Variants in CWH43 observed in about 807,000 individuals in gnomAD.
The protein encoded by CWH43 is cell wall biogenesis 43 C-terminal homolog, also known as PGAP2-interacting protein.
A neutral mutation model predicts 85.7 loss-of-function variants in CWH43; 91 were observed. The ratio of observed to expected loss-of-function variants is 1.06; its 90% confidence interval spans 0.90 to 1.26. The LOEUF (loss-of-function observed/expected upper bound fraction) is 1.26. Among genes scored for constraint, CWH43 ranks in the 50% most tolerant of loss-of-function variants. The pLI is 0.00. For missense variants in CWH43, 869 were observed against 839.2 expected (o/e 1.04, Z -0.44); for synonymous variants, 323 against 293.6 (o/e 1.10, Z -1.02).
At chr4:49,059,413 A>C (rs938616149) in intron 15 of CWH43, among the ~76,000 whole-genome samples, 2 of 152,116 alleles carry the variant, frequency 1.3e-5, no homozygotes, top group Non-Finnish European at 2.9e-5. Context: ...ACTTAGCTTC[A>C]AGATGATTAT....
chr4:48,986,856 A>C, intron 1 of CWH43: 1 of 995,408 alleles, frequency 1.0e-6, no homozygotes, highest in Non-Finnish European at 1.2e-6. Context: ...TGAACTTTAA[A>C]ATTCAGAAGG....
intron 9 of CWH43, among the ~76,000 whole-genome samples, chr4:49,025,223 C>T (rs1246442730): frequency 2.0e-5 from 3 of 151,498 alleles, no homozygotes; most frequent in African/African-American, 7.3e-5. Context: ...TTTATCCTAC[C>T]TATTTCACTG....
chr4:49,000,056 T>C (rs1418199039), intron 6 of CWH43, among the ~76,000 whole-genome samples: 2 of 148,458 alleles, frequency 1.3e-5, no homozygotes, highest in Admixed American at 1.4e-4. Context: ...TGACTCTAAG[T>C]AAAAAAAAAA....
At chr4:49,040,920 A>G (rs1284015049) in intron 13 of CWH43, among the ~76,000 whole-genome samples, 1 of 152,184 alleles carries the variant, frequency 6.6e-6, no homozygotes, top group Non-Finnish European at 1.5e-5. Context: ...TAATTTTTGT[A>G]TAAGATGTAA....
intron 8 of CWH43, among the ~76,000 whole-genome samples, chr4:49,013,257 T>C (rs1185362904): frequency 6.6e-6 from 1 of 152,246 alleles, no homozygotes; most frequent in Non-Finnish European, 1.5e-5. Context: ...ACTGCTGCAC[T>C]AGCAGTGAGC....
intron 8 of CWH43, among the ~76,000 whole-genome samples, chr4:49,016,383 G>A (rs1288693693): frequency 6.6e-6 from 1 of 152,110 alleles, no homozygotes; most frequent in Non-Finnish European, 1.5e-5. Flanking sequence ...CTGATGGGAG[G>A]ATCTTGGCCT....
chr4:49,047,651 T>C (rs1248469864), intron 14 of CWH43, among the ~76,000 whole-genome samples: 1 of 150,450 alleles, frequency 6.6e-6, no homozygotes, highest in Admixed American at 6.6e-5. Context: ...TGAGGAAAAG[T>C]GAGGTTAGTG....
intron 6 of CWH43, among the ~76,000 whole-genome samples, chr4:49,001,462 G>T (rs557774197): frequency 6.6e-6 from 1 of 152,008 alleles, no homozygotes; most frequent in Non-Finnish European, 1.5e-5. Flanking sequence ...CTAACAGTGC[G>T]TATCATATAC....
At chr4:49,007,582 C>T (rs1242947088) in intron 8 of CWH43, among the ~76,000 whole-genome samples, 8 of 152,082 alleles carry the variant, frequency 5.3e-5, no homozygotes, top group Non-Finnish European at 1.0e-4. Flanking sequence ...CCCATCAACT[C>T]GTCATTTACA....
chr4:49,028,793 T>G (rs1055204204), intron 10 of CWH43, 59 bp downstream of exon 10: 28 of 1,132,594 alleles, frequency 2.5e-5, no homozygotes, highest in Non-Finnish European at 3.4e-5. Context: ...ACTTTTATTT[T>G]CAGCAGGGTC....
intron 10 of CWH43, among the ~76,000 whole-genome samples, chr4:49,030,181 G>T (rs1415934133): frequency 6.6e-6 from 1 of 152,208 alleles, no homozygotes; most frequent in Non-Finnish European, 1.5e-5. Flanking sequence ...GCTCCGGGGT[G>T]CTCATTTTTG....
chr4:49,026,017 C>T (rs192765903), intron 9 of CWH43, among the ~76,000 whole-genome samples: 17 of 152,226 alleles, frequency 1.1e-4, no homozygotes, highest in South Asian at 6.2e-4. Flanking sequence ...TGGGCTGGGC[C>T]GGCTGTAGCT....
chr4:49,039,409 A>C (rs1784385298), intron 13 of CWH43, among the ~76,000 whole-genome samples: 1 of 139,162 alleles, frequency 7.2e-6, no homozygotes, highest in African/African-American at 2.7e-5. Flanking sequence ...TGATATATAT[A>C]TATACTGATA....
intron 7 of CWH43, 61 bp downstream of exon 7, chr4:49,004,053 C>T: frequency 7.6e-6 from 11 of 1,456,462 alleles, no homozygotes; most frequent in Non-Finnish European, 1.0e-5. Context: ...TATGGACTGA[C>T]CAGGATTTAG....
intron 6 of CWH43, among the ~76,000 whole-genome samples, chr4:48,999,158 TAATGATAAC>T (rs1782912045): frequency 6.6e-6 from 1 of 152,170 alleles, no homozygotes; most frequent in African/African-American, 2.4e-5. Flanking sequence ...AGCTCCCATT[TAATGATAAC>T]ATGCAGCATT....
At chr4:49,061,135 G>A (rs1025573530) in intron 15 of CWH43, among the ~76,000 whole-genome samples, 1 of 152,012 alleles carries the variant, frequency 6.6e-6, no homozygotes, top group African/African-American at 2.4e-5. Context: ...ATCTGTTTGA[G>A]CATAACCTTG....
intron 12 of CWH43, among the ~76,000 whole-genome samples, chr4:49,037,769 G>A (rs1232294647): frequency 6.6e-6 from 1 of 152,144 alleles, no homozygotes; most frequent in African/African-American, 2.4e-5. Flanking sequence ...GAACAATGCT[G>A]TATTTAGAGT....
chr4:49,006,705 C>T (rs1048958934), intron 7 of CWH43, among the ~76,000 whole-genome samples: 12 of 152,206 alleles, frequency 7.9e-5, no homozygotes, highest in African/African-American at 2.9e-4. Flanking sequence ...TGTTGGCACA[C>T]TGTGATTTCC....
intron 1 of CWH43, 122 bp downstream of exon 1, chr4:48,986,594 A>G: frequency 1.3e-6 from 2 of 1,505,558 alleles, no homozygotes; most frequent in Non-Finnish European, 1.8e-6. Flanking sequence ...CCGTGCCCAG[A>G]GTGGAGATGC....
Sources: allele counts gnomAD v4.1 joint callset (sites outside exome capture counted in the v4.1 genomes callset), GRCh38; gene constraint gnomAD v4.1.1; transcripts MANE v1.5; gene names NCBI Gene and HGNC (gene_info 2026-07-23, HGNC 2026-07-21).